SERP2: variants seen among roughly 807,000 people sequenced by gnomAD.
SERP2 encodes stress-associated endoplasmic reticulum protein 2.
A neutral mutation model predicts 9.1 loss-of-function variants in SERP2; 6 were observed. The observed-to-expected ratio is 0.66, with a 90% CI of 0.36 to 1.30. The LOEUF (loss-of-function observed/expected upper bound fraction) is 1.30, where lower values mean the gene tolerates loss of function less well. Among genes scored for constraint, SERP2 ranks in the 50% most tolerant of loss-of-function variants. The probability of loss-of-function intolerance (pLI) is 0.03; values close to 1 mark genes in which losing one functional copy is unlikely to be tolerated. For synonymous variants in SERP2, 37 were observed against 27.3 expected (o/e 1.35, Z -1.10); for missense variants, 58 against 81.9 (o/e 0.71, Z 1.13).
chr13:44,393,883 T>C (rs928566346), intron 2 of SERP2, among the ~76,000 whole-genome samples: 18 of 152,182 alleles, frequency 1.2e-4, no homozygotes, highest in African/African-American at 4.3e-4. Flanking sequence ...AACACAGTCA[T>C]CTCTCTGTTA....
At chr13:44,381,948 T>C (rs1872003890) in intron 2 of SERP2, among the ~76,000 whole-genome samples, 1 of 152,024 alleles carries the variant, frequency 6.6e-6, no homozygotes, top group Non-Finnish European at 1.5e-5. Context: ...TTCATTAAAT[T>C]TGTAGATCCT....
intron 2 of SERP2, among the ~76,000 whole-genome samples, chr13:44,390,190 A>T (rs1045034623): frequency 2.0e-5 from 3 of 152,156 alleles, no homozygotes; most frequent in Non-Finnish European, 4.4e-5. Flanking sequence ...TGCCAGAAAA[A>T]GTGTGTTTTC....
At chr13:44,389,682 C>T (rs1041567367) in intron 2 of SERP2, among the ~76,000 whole-genome samples, 2 of 152,120 alleles carry the variant, frequency 1.3e-5, no homozygotes, top group Non-Finnish European at 1.5e-5. Context: ...AGACCAGCAG[C>T]CCCCCTGGAT....
At chr13:44,373,698 C>T (rs767935377), upstream of SERP2, 4 of 312,092 alleles carry the variant, frequency 1.3e-5, no homozygotes, top group Middle Eastern at 9.5e-4. The surrounding 1 kb of genome is among the most constrained non-coding windows in gnomAD (Gnocchi z 4.8). Context: ...CTGCGCGCTG[C>T]GCTCCGGCCG....
chr13:44,394,363 T>C (rs1468868357), intron 2 of SERP2, among the ~76,000 whole-genome samples: 1 of 152,220 alleles, frequency 6.6e-6, no homozygotes, highest in Non-Finnish European at 1.5e-5. Flanking sequence ...GACCTCATGA[T>C]CTGCCCACCT....
Position 44,396,314 on chromosome 13 carries a change from G to A in SERP2, c.158-958G>A, listed in dbSNP as rs147277115. 4.8e-3 allele frequency among the ~76,000 whole-genome samples: 724 copies of A among 151,914 alleles called. 11 individuals are homozygous for A. Among genetic ancestry groups the A allele is most frequent in the African/African-American group, 0.016 (644 of 41,410 alleles). On this transcript the variant is annotated intron_variant, in intron 2 of 2. Transcript: ENST00000379179. ...GGGTTCTGGATAACTCTGTTTTACC[G>A]TGGATCCTGGATGTATTCCAGGATG... is the stretch of plus-strand genomic sequence containing the variant.
At chr13:44,383,996 A>G (rs1872174403) in intron 2 of SERP2, among the ~76,000 whole-genome samples, 1 of 152,072 alleles carries the variant, frequency 6.6e-6, no homozygotes, top group South Asian at 2.1e-4. Flanking sequence ...TCCCTAAGCA[A>G]TGGGCCTCAT....
intron 1 of SERP2, among the ~76,000 whole-genome samples, chr13:44,379,189 C>G (rs1871823360): frequency 6.6e-6 from 1 of 152,212 alleles, no homozygotes; most frequent in Admixed American, 6.5e-5. Context: ...TGAATCCCAG[C>G]TCTTGCTCAA....
chr13:44,389,137 G>A (rs1193470440), intron 2 of SERP2, among the ~76,000 whole-genome samples: 4 of 152,206 alleles, frequency 2.6e-5, no homozygotes, highest in Non-Finnish European at 5.9e-5. Context: ...ATCTTTTGGG[G>A]ACACAAAATT....
intron 2 of SERP2, among the ~76,000 whole-genome samples, chr13:44,382,385 C>A (rs1334199402): frequency 1.5e-5 from 2 of 131,228 alleles, no homozygotes; most frequent in Non-Finnish European, 3.1e-5. Context: ...TGCAGTGAGC[C>A]GAGATTGTGC....
chr13:44,375,259 C>G (rs1410484119), intron 1 of SERP2, among the ~76,000 whole-genome samples: 2 of 152,070 alleles, frequency 1.3e-5, no homozygotes, highest in Non-Finnish European at 2.9e-5. Flanking sequence ...GTAATCATCA[C>G]ACCAGAATTC....
chr13:44,382,164 C>T (rs112265980), intron 2 of SERP2, among the ~76,000 whole-genome samples: 8 of 151,204 alleles, frequency 5.3e-5, no homozygotes, highest in Admixed American at 5.3e-4. Flanking sequence ...TTAGGCTGGG[C>T]GCGGTGGCTC....
intron 2 of SERP2, among the ~76,000 whole-genome samples, chr13:44,393,544 C>G (rs564297620): frequency 2.0e-5 from 3 of 152,160 alleles, no homozygotes; most frequent in Non-Finnish European, 4.4e-5. Context: ...TGCCCTGGAA[C>G]GCCTGCTGTC....
At chr13:44,380,119 T>C (rs1326878595) in intron 2 of SERP2, among the ~76,000 whole-genome samples, 1 of 152,140 alleles carries the variant, frequency 6.6e-6, no homozygotes, top group African/African-American at 2.4e-5. Flanking sequence ...TAGATACAAC[T>C]TCCTAGATAC....
intron 2 of SERP2, among the ~76,000 whole-genome samples, chr13:44,384,596 G>C (rs1872210042): frequency 6.6e-6 from 1 of 152,120 alleles, no homozygotes. Flanking sequence ...AAATGCACTG[G>C]AGTGTCTTGT....
At chr13:44,383,281 A>C (rs1872107676) in intron 2 of SERP2, among the ~76,000 whole-genome samples, 1 of 152,150 alleles carries the variant, frequency 6.6e-6, no homozygotes, top group Non-Finnish European at 1.5e-5. Flanking sequence ...ATAAGGGAAA[A>C]AGCCAGTAGA....
chr13:44,375,941 C>A (rs1008140629), intron 1 of SERP2, among the ~76,000 whole-genome samples: 2 of 152,246 alleles, frequency 1.3e-5, no homozygotes, highest in African/African-American at 4.8e-5. Flanking sequence ...GTACCAGTCA[C>A]CTGCCATTCA....
intron 2 of SERP2, 99 bp from the exon 3 acceptor site, chr13:44,397,173 G>C (rs907635382): frequency 4.4e-6 from 4 of 911,314 alleles, no homozygotes; most frequent in African/African-American, 3.3e-5. Flanking sequence ...GAGCTAACAC[G>C]TCAGGGCCCA....
At position 44,374,618 on chromosome 13, in the gene SERP2, C is replaced by T. The variant is rs947298558; in HGVS notation, c.84+509C>T. ...AAATGGAGGCCACTTGTCATCTCCT[C>T]CCGGACTCCACCTGTCTTCCCTCCC... On this transcript the variant is annotated intron_variant, in intron 1 of 2. Transcript: ENST00000379179. Among the ~76,000 whole-genome samples the T allele has an allele frequency of 2.0e-5, 3 of 152,286 alleles. No individual in the cohort carries two copies. In the East Asian group the frequency reaches 5.8e-4, roughly 29 times the overall value.
Sources: allele counts gnomAD v4.1 joint callset (sites outside exome capture counted in the v4.1 genomes callset), GRCh38; gene constraint gnomAD v4.1.1; non-coding constraint Gnocchi (gnomAD v3.1); transcripts MANE v1.5; gene names NCBI Gene and HGNC (gene_info 2026-07-23, HGNC 2026-07-21).